Variants in FAP observed in about 807,000 individuals in gnomAD.
The protein encoded by FAP is prolyl endopeptidase FAP.
In FAP, 110 loss-of-function variants were observed where a neutral mutation model predicts 126.5. The ratio of observed to expected loss-of-function variants is 0.87; its 90% confidence interval spans 0.74 to 1.02. The LOEUF (loss-of-function observed/expected upper bound fraction) is 1.02. Ranked by LOEUF, FAP falls within the 50% of genes least tolerant of loss-of-function variation. The probability of loss-of-function intolerance (pLI) is 0.00; values close to 1 mark genes in which losing one functional copy is unlikely to be tolerated. For synonymous variants in FAP, 334 were observed against 297.3 expected (o/e 1.12, Z -1.27); for missense variants, 919 against 909.2 (o/e 1.01, Z -0.14).
chr2:162,200,525 A>G (rs747080067), intron 15 of FAP, 41 bp downstream of exon 15: 9 of 1,109,676 alleles, frequency 8.1e-6, no homozygotes, highest in African/African-American at 3.1e-5. Context: ...ATATTAAAAT[A>G]TCAACACATA....
At chr2:162,190,387 ATTGTGT>A (rs1687995018) in intron 17 of FAP, among the ~76,000 whole-genome samples, 1 of 151,858 alleles carries the variant, frequency 6.6e-6, no homozygotes, top group African/African-American at 2.4e-5. Flanking sequence ...AACAATATAT[ATTGTGT>A]ATACACACAC....
chr2:162,201,845 G>C (rs937913604), intron 14 of FAP, among the ~76,000 whole-genome samples: 3 of 152,172 alleles, frequency 2.0e-5, no homozygotes, highest in African/African-American at 7.2e-5. Context: ...CTTATGACCA[G>C]AGCTAGGGAC....
intron 11 of FAP, 115 bp downstream of exon 11, chr2:162,213,823 G>T: frequency 1.0e-6 from 1 of 979,548 alleles, no homozygotes. Flanking sequence ...CAAAGCAGTT[G>T]GCAGTTGAAT....
chr2:162,171,859 T>A (rs1473040904), intron 25 of FAP: 1 of 152,112 alleles, frequency 6.6e-6, no homozygotes, highest in Non-Finnish European at 1.5e-5. Flanking sequence ...TGTGTAATGA[T>A]CAAATCAAGA....
rs561105075 is a variant in FAP, at chr2:162,223,212, A to G, written c.413+396T>C. Among the ~76,000 whole-genome samples the G allele has an allele frequency of 2.6e-4, 40 of 152,162 alleles. 1 individual carries two copies. Among genetic ancestry groups the G allele is most frequent in the Non-Finnish European group, 5.4e-4 (37 of 68,030 alleles). On this transcript the variant is annotated intron_variant, in intron 6 of 25. Transcript: ENST00000188790. ...TTAATGGAGTACGTGTTCAGACACA[A>G]CTAATGCTACATCTCTCTCCCGCCC...
chr2:162,208,140 C>T (rs1688783517), intron 12 of FAP, among the ~76,000 whole-genome samples: 2 of 151,234 alleles, frequency 1.3e-5, no homozygotes, highest in African/African-American at 2.4e-5. Context: ...CCTGCAATCC[C>T]GGCTACTAAG....
intron 21 of FAP, among the ~76,000 whole-genome samples, chr2:162,180,372 G>A (rs545527501): frequency 1.1e-4 from 16 of 152,296 alleles, no homozygotes; most frequent in Admixed American, 7.2e-4. Context: ...ATTGAAGTGC[G>A]AAACCTGTGG....
At chr2:162,226,304 C>T (rs1055529375) in intron 3 of FAP, among the ~76,000 whole-genome samples, 2 of 152,090 alleles carry the variant, frequency 1.3e-5, no homozygotes, top group African/African-American at 4.8e-5. Flanking sequence ...ACTTTTCCTT[C>T]TCTATTTAAA....
chr2:162,209,424 T>C (rs1442069749), intron 12 of FAP, among the ~76,000 whole-genome samples: 1 of 152,172 alleles, frequency 6.6e-6, no homozygotes, highest in African/African-American at 2.4e-5. Context: ...CTTCCAAATA[T>C]AAATGATCAC....
intron 2 of FAP, among the ~76,000 whole-genome samples, chr2:162,240,638 T>G (rs1176979680): frequency 6.6e-6 from 1 of 152,192 alleles, no homozygotes; most frequent in Admixed American, 6.5e-5. Flanking sequence ...TTCCTGAGTG[T>G]GGCTTTAAGT....
At chr2:162,205,674 C>T (rs1026007340) in intron 12 of FAP, among the ~76,000 whole-genome samples, 29 of 152,156 alleles carry the variant, frequency 1.9e-4, no homozygotes, top group Admixed American at 4.6e-4. Context: ...CCACCACCCC[C>T]GGCTAGTTTT....
rs887241330 is a variant in FAP, at chr2:162,170,836, CT to C, written c.*142del. ...TTAGCTTGAACTTCTGAGTCCTCAT[CT>C]TTTTTTTAACAGCCTTTAGAACAAC... is the stretch of plus-strand genomic sequence containing the variant. On this transcript the variant is annotated 3_prime_UTR_variant, in exon 26 of 26. Transcript: ENST00000188790. The C allele has an allele frequency of 6.0e-5, 36 of 604,850 alleles. No homozygotes were observed. Among genetic ancestry groups the C allele is most frequent in the Middle Eastern group, 6.4e-4 (2 of 3,126 alleles). 37.5% of individuals were successfully genotyped at this position (604,850 alleles called of 1,614,324 possible). A position where few individuals can be genotyped will look rare whatever the true frequency, so the allele number is the denominator to read the frequency against.
rs1484388082 is a variant in FAP, at chr2:162,215,895, T to C, written c.866+3A>G. The C allele has an allele frequency of 2.1e-5, 34 of 1,604,490 alleles. No homozygotes were observed. The highest frequency in any genetic ancestry group is 2.8e-5 in the Non-Finnish European group (33 of 1,171,350). ...AAGATGGGAGGGATCTGAGATGAAC[T>C]ACCTTGAGGCTATCATTGCTGGAAC... On this transcript the variant is annotated splice_donor_region_variant and intron_variant, in intron 10 of 25. Transcript: ENST00000188790.
intron 21 of FAP, among the ~76,000 whole-genome samples, chr2:162,180,640 T>C (rs1282395184): frequency 1.3e-5 from 2 of 152,200 alleles, no homozygotes; most frequent in Non-Finnish European, 2.9e-5. Flanking sequence ...CAATGGAATG[T>C]TGAAGTCAGG....
intron 6 of FAP, 108 bp from the exon 7 acceptor site, chr2:162,220,033 T>G: frequency 5.4e-6 from 4 of 746,432 alleles, no homozygotes; most frequent in Non-Finnish European, 9.1e-6. Flanking sequence ...TTAAGGATCA[T>G]TCCCTCTGCA....
chr2:162,231,189 T>C (rs1038340506), intron 2 of FAP, among the ~76,000 whole-genome samples: 2 of 152,192 alleles, frequency 1.3e-5, no homozygotes, highest in African/African-American at 2.4e-5. Flanking sequence ...GGGGTCATTA[T>C]TTTCTAGTGT....
At chr2:162,215,868 G>A (rs758023586) in intron 10 of FAP, 30 bp downstream of exon 10, 1 of 1,497,214 alleles carries the variant, frequency 6.7e-7, no homozygotes, top group South Asian at 1.1e-5. Flanking sequence ...ATATAGGATA[G>A]AAAGATGGGA....
intron 16 of FAP, among the ~76,000 whole-genome samples, chr2:162,196,518 C>CT (rs3051148): frequency 0.014 from 1,793 of 127,668 alleles, 26 homozygotes; most frequent in African/African-American, 0.031. Context: ...ACTTGCATAT[C>CT]TTTTTTTTTT....
intron 2 of FAP, among the ~76,000 whole-genome samples, chr2:162,239,973 A>C (rs1690283190): frequency 1.3e-5 from 2 of 152,226 alleles, no homozygotes; most frequent in African/African-American, 4.8e-5. Context: ...TGAAGCAAGA[A>C]GGTCTTTATG....
Sources: allele counts gnomAD v4.1 joint callset (sites outside exome capture counted in the v4.1 genomes callset), GRCh38; gene constraint gnomAD v4.1.1; transcripts MANE v1.5; gene names NCBI Gene and HGNC (gene_info 2026-07-23, HGNC 2026-07-21).